PRKN: variants seen among roughly 807,000 people sequenced by gnomAD.
The protein encoded by PRKN is E3 ubiquitin-protein ligase parkin.
PRKN carries 56 observed loss-of-function variants against 59.5 expected under a neutral mutation model. The observed-to-expected ratio is 0.94, with a 90% CI of 0.76 to 1.18. The LOEUF is 1.18. Among genes scored for constraint, PRKN ranks in the 50% most tolerant of loss-of-function variants. The pLI is 0.00. For synonymous variants in PRKN, 250 were observed against 222.1 expected (o/e 1.13, Z -1.12); for missense variants, 657 against 596.4 (o/e 1.10, Z -1.06).
chr6:162,294,358 C>CAGAG (rs141432501), intron 2 of PRKN, among the ~76,000 whole-genome samples: 2 of 150,844 alleles, frequency 1.3e-5, no homozygotes, highest in Admixed American at 6.6e-5. Flanking sequence ...AGGAGAGAGA[C>CAGAG]AGAGAGAGAG....
chr6:162,601,533 G>A (rs558389864), intron 1 of PRKN, among the ~76,000 whole-genome samples: 35 of 152,110 alleles, frequency 2.3e-4, no homozygotes, highest in South Asian at 2.1e-3. Context: ...ATATGTTTTC[G>A]TTTCTTTTAG....
chr6:162,687,254 CAGCTCACTGCA>C (rs1431706643), intron 1 of PRKN, among the ~76,000 whole-genome samples: 1 of 149,050 alleles, frequency 6.7e-6, no homozygotes, highest in East Asian at 2.0e-4. Context: ...GGCACGATCT[CAGCTCACTGCA>C]AGCTCTGCCT....
chr6:161,730,264 T>TGATATGTTGCATTCTTTCA, intron 7 of PRKN, among the ~76,000 whole-genome samples: 1 of 151,072 alleles, frequency 6.6e-6, no homozygotes, highest in Admixed American at 6.5e-5. Context: ...TGTTGCCCTC[T>TGATATGTTGCATTCTTTCA]GATATGTTGC....
intron 1 of PRKN, among the ~76,000 whole-genome samples, chr6:162,723,577 T>C (rs1779016513): frequency 6.6e-6 from 1 of 152,190 alleles, no homozygotes; most frequent in Non-Finnish European, 1.5e-5. Flanking sequence ...AGGGCAGCTC[T>C]TTACTACCAT....
intron 4 of PRKN, among the ~76,000 whole-genome samples, chr6:162,078,911 G>T (rs1562499990): frequency 6.6e-6 from 1 of 151,944 alleles, no homozygotes; most frequent in East Asian, 1.9e-4. Flanking sequence ...GATTAGGTAA[G>T]ATTTAATTTA....
chr6:161,405,066 C>T lies in PRKN; in HGVS notation c.1084-18189G>A, dbSNP rs921319724. Among the ~76,000 whole-genome samples the T allele has an allele frequency of 6.6e-6, 1 of 152,138 alleles. No homozygotes were observed. The highest frequency in any genetic ancestry group is 1.5e-5 in the Non-Finnish European group (1 of 68,038). ...TAGACTAAATGATAACATTGCTTCCCACCTTCTCCTCCAGCTCTGACTCTT... is the reference window on the plus strand; with the variant it reads ...TAGACTAAATGATAACATTGCTTCCTACCTTCTCCTCCAGCTCTGACTCTT... On this transcript the variant is annotated intron_variant, in intron 9 of 11. Transcript: ENST00000366898. This position sits in a 1 kb window ranked among gnomAD's most constrained non-coding sequence, Gnocchi z 5.1.
At chr6:161,864,203 T>G (rs1270511641) in intron 6 of PRKN, among the ~76,000 whole-genome samples, 1 of 152,230 alleles carries the variant, frequency 6.6e-6, no homozygotes, top group African/African-American at 2.4e-5. Context: ...TAGAATTTTT[T>G]CAAAATTGGA....
In PRKN at chr6:162,262,777, C is replaced by G; in HGVS notation, c.172-12G>C. On this transcript the variant is annotated splice_polypyrimidine_tract_variant and intron_variant, in intron 2 of 11. Coordinates refer to ENST00000366898, the MANE Select transcript of PRKN (RefSeq NM_004562.3). ...TCCAGGTCACAATTCTGTTTGGGAG[C>G]AAGGTAAAAAAAAAAAAAAAAAAAA... 1 of 1,358,144 alleles carries G rather than the reference C, an allele frequency of 7.4e-7. No homozygotes were observed. The allele number at this position is 1,358,144 out of a possible 1,614,324, so 84.1% of individuals were successfully genotyped here.
intron 10 of PRKN, among the ~76,000 whole-genome samples, chr6:161,381,709 A>C (rs1034780779): frequency 2.6e-5 from 4 of 152,088 alleles, no homozygotes; most frequent in Non-Finnish European, 5.9e-5. Context: ...AGGTGTGTGG[A>C]TGAAGGAGGG....
At chr6:162,561,581 C>CA (rs112182139) in intron 1 of PRKN, among the ~76,000 whole-genome samples, 5 of 151,992 alleles carry the variant, frequency 3.3e-5, no homozygotes, top group Admixed American at 1.3e-4. Flanking sequence ...AAAACAAAAA[C>CA]AAAAAAAACC....
chr6:162,356,015 T>C (rs1199180509), intron 2 of PRKN, among the ~76,000 whole-genome samples: 1 of 152,160 alleles, frequency 6.6e-6, no homozygotes, highest in African/African-American at 2.4e-5. Context: ...AGGAGTCTTG[T>C]TGGTCCTCCA....
At chr6:161,358,893 C>G (rs1784870001) in intron 11 of PRKN, among the ~76,000 whole-genome samples, 2 of 141,906 alleles carry the variant, frequency 1.4e-5, no homozygotes, top group Admixed American at 1.5e-4. Flanking sequence ...CTCCCGGGTT[C>G]ACACCATTCT....
intron 4 of PRKN, among the ~76,000 whole-genome samples, chr6:162,168,554 T>TAAA (rs1223807330): frequency 6.3e-5 from 1 of 15,844 alleles, no homozygotes; most frequent in African/African-American, 3.3e-4. Context: ...TAATCTGTTT[T>TAAA]ACAAAAAAAA....
chr6:162,371,031 C>T (rs1583454175), intron 2 of PRKN, among the ~76,000 whole-genome samples: 1 of 152,218 alleles, frequency 6.6e-6, no homozygotes, highest in African/African-American at 2.4e-5. Context: ...GGTTATCAAA[C>T]ATCCTGACCC....
chr6:162,483,054 T>G (rs555675949), intron 1 of PRKN, among the ~76,000 whole-genome samples: 12 of 152,294 alleles, frequency 7.9e-5, no homozygotes, highest in African/African-American at 2.4e-4. Context: ...TATATGATTA[T>G]ACCTCATTAT....
intron 9 of PRKN, among the ~76,000 whole-genome samples, chr6:161,449,406 T>G (rs1789627645): frequency 6.6e-6 from 1 of 152,166 alleles, no homozygotes; most frequent in African/African-American, 2.4e-5. Flanking sequence ...TCTATCCGTA[T>G]GTACTCTCCC....
At chr6:161,598,824 T>C (rs1782010343) in intron 7 of PRKN, among the ~76,000 whole-genome samples, 1 of 152,192 alleles carries the variant, frequency 6.6e-6, no homozygotes, top group South Asian at 2.1e-4. Flanking sequence ...TGGGTTGAAT[T>C]TACTCCCCAA....
intron 1 of PRKN, among the ~76,000 whole-genome samples, chr6:162,566,223 G>T (rs1403946065): frequency 6.6e-6 from 1 of 151,960 alleles, no homozygotes; most frequent in Admixed American, 6.6e-5. Flanking sequence ...TAATCTTCAT[G>T]ATAGCCCAAA....
chr6:162,717,484 T>G (rs1778773704), intron 1 of PRKN, among the ~76,000 whole-genome samples: 3 of 151,046 alleles, frequency 2.0e-5, no homozygotes. Flanking sequence ...TTCGGGAAGT[T>G]GAGCCCAGGA....
Sources: gnomAD v4.1 joint callset for allele counts (sites outside exome capture counted in the v4.1 genomes callset) on GRCh38, gnomAD v4.1.1 for gene constraint, Gnocchi (gnomAD v3.1) non-coding constraint, MANE v1.5 for transcripts, NCBI Gene and HGNC (gene_info 2026-07-23, HGNC 2026-07-21) for gene names.